CCDC73: variants seen among roughly 807,000 people sequenced by gnomAD.
CCDC73 encodes the protein coiled-coil domain containing 73.
Under a neutral mutation model 116.5 loss-of-function variants are expected in CCDC73, and 95 were observed. That is an observed-to-expected ratio of 0.82 (90% CI 0.69 to 0.97). The LOEUF (loss-of-function observed/expected upper bound fraction) is 0.97, where lower values mean the gene tolerates loss of function less well. Ranked by LOEUF, CCDC73 falls within the 50% of genes least tolerant of loss-of-function variation. The pLI is 0.00. For missense variants in CCDC73, 1,066 were observed against 1,206.8 expected (o/e 0.88, Z 1.73); for synonymous variants, 398 against 401.3 (o/e 0.99, Z 0.10).
intron 6 of CCDC73, among the ~76,000 whole-genome samples, chr11:32,685,101 C>G (rs1856183741): frequency 6.6e-6 from 1 of 151,988 alleles, no homozygotes; most frequent in Non-Finnish European, 1.5e-5. Flanking sequence ...ATAATTACTA[C>G]ACATTTCCTA....
chr11:32,798,424 C>G (rs181517318), upstream of CCDC73, among the ~76,000 whole-genome samples: 87 of 152,340 alleles, frequency 5.7e-4, 2 homozygotes, highest in East Asian at 0.014. Context: ...ATCCCCACCT[C>G]AGCCTTCTGA....
At chr11:32,618,143 C>G (rs1855491478) in intron 14 of CCDC73, among the ~76,000 whole-genome samples, 1 of 152,156 alleles carries the variant, frequency 6.6e-6, no homozygotes, top group Non-Finnish European at 1.5e-5. Flanking sequence ...GTTTTCTGTT[C>G]CTATGTTAAT....
chr11:32,710,971 A>G (rs1849895698), intron 3 of CCDC73, among the ~76,000 whole-genome samples: 1 of 152,218 alleles, frequency 6.6e-6, no homozygotes. Flanking sequence ...CAATCTATAC[A>G]TCTGACAAAG....
intron 3 of CCDC73, among the ~76,000 whole-genome samples, chr11:32,704,500 G>A (rs7942796): frequency 0.58 from 88,611 of 152,094 alleles, 26,148 homozygotes; most frequent in East Asian, 0.84. Context: ...ACAGGAGGGA[G>A]GCCAGAGGGC....
chr11:32,629,687 G>T (rs989022255), intron 14 of CCDC73, among the ~76,000 whole-genome samples: 1 of 148,460 alleles, frequency 6.7e-6, no homozygotes, highest in Non-Finnish European at 1.5e-5. Context: ...AAGCCTCCGT[G>T]CCCAGCCGAT....
At chr11:32,645,532 G>A (rs1318868247) in intron 12 of CCDC73, among the ~76,000 whole-genome samples, 7 of 151,556 alleles carry the variant, frequency 4.6e-5, no homozygotes, top group Non-Finnish European at 7.4e-5. Flanking sequence ...CTCGTGATCC[G>A]CCCGCCTTGG....
At chr11:32,738,323 G>A (rs185367371) in intron 2 of CCDC73, among the ~76,000 whole-genome samples, 166 of 152,254 alleles carry the variant, frequency 1.1e-3, no homozygotes, top group African/African-American at 3.8e-3. Context: ...TCCACCAACA[G>A]TGTATGAGGG....
At chr11:32,641,513 G>T (rs1387193998) in intron 13 of CCDC73, among the ~76,000 whole-genome samples, 2 of 151,864 alleles carry the variant, frequency 1.3e-5, no homozygotes, top group African/African-American at 4.8e-5. Flanking sequence ...TACTACAGAA[G>T]TCAACTACTG....
intron 15 of CCDC73, among the ~76,000 whole-genome samples, chr11:32,615,219 T>G (rs1210571444): frequency 6.6e-6 from 1 of 152,110 alleles, no homozygotes; most frequent in East Asian, 1.9e-4. Context: ...GAAAGTAAGT[T>G]GAGGTATTAA....
intron 3 of CCDC73, among the ~76,000 whole-genome samples, chr11:32,714,267 C>CA (rs1235329510): frequency 6.6e-6 from 1 of 152,070 alleles, no homozygotes; most frequent in African/African-American, 2.4e-5. Context: ...CCATGAAGTC[C>CA]ATACTCCCCT....
At chr11:32,825,704 C>A in the CCDC73 span, among the ~76,000 whole-genome samples, 1 of 152,144 alleles carries the variant, frequency 6.6e-6, no homozygotes. Flanking sequence ...TATAGTTTTG[C>A]AACTGATGCC....
chr11:32,765,848 AT>A (rs1850436159), intron 1 of CCDC73, among the ~76,000 whole-genome samples: 1 of 152,312 alleles, frequency 6.6e-6, no homozygotes, highest in African/African-American at 2.4e-5. Context: ...CCAGGACCAG[AT>A]GGATTCACAG....
At chr11:32,786,282 T>C (rs2133402210) in intron 1 of CCDC73, among the ~76,000 whole-genome samples, 1 of 150,042 alleles carries the variant, frequency 6.7e-6, no homozygotes, top group East Asian at 1.9e-4. Flanking sequence ...TAATGAACTT[T>C]TGTAAGTAGT....
chr11:32,697,983 T>C (rs1849770868), intron 6 of CCDC73, among the ~76,000 whole-genome samples: 1 of 149,308 alleles, frequency 6.7e-6, no homozygotes, highest in Non-Finnish European at 1.5e-5. Context: ...TAGGCCCCAG[T>C]GTCTGTTGTT....
rs568719793 is a variant in CCDC73 at position 32,702,354 on chromosome 11, T to C, written c.279+519A>G. ...AATGAGCTGAAGGTATGTACAAGGA[T>C]TCATTTGATTTTTTTTCTCATTTTT... On this transcript the variant is annotated intron_variant, in intron 4 of 17. Coordinates refer to ENST00000335185, the MANE Select transcript of CCDC73 (RefSeq NM_001008391.4). Among the ~76,000 whole-genome samples the C allele has an allele frequency of 2.6e-5, 4 of 152,310 alleles. No homozygotes were observed. In the South Asian group the frequency reaches 8.3e-4, roughly 32 times the overall value.
chr11:32,729,750 G>A (rs747371535), intron 2 of CCDC73, among the ~76,000 whole-genome samples: 5 of 152,014 alleles, frequency 3.3e-5, no homozygotes, highest in Non-Finnish European at 7.4e-5. Flanking sequence ...CAACTCTAAC[G>A]CAGCAGCAAA....
At chr11:32,693,879 A>C (rs1295057918) in intron 6 of CCDC73, among the ~76,000 whole-genome samples, 1 of 152,248 alleles carries the variant, frequency 6.6e-6, no homozygotes, top group Admixed American at 6.5e-5. Flanking sequence ...TCATGCTAAA[A>C]ACTCTCAATA....
chr11:32,795,681 T>C (rs969475236), upstream of CCDC73, among the ~76,000 whole-genome samples: 9 of 150,344 alleles, frequency 6.0e-5, no homozygotes, highest in Non-Finnish European at 1.2e-4. Flanking sequence ...AAGTGGTTCC[T>C]GCCCTCAAAT....
chr11:32,770,195 A>G (rs911291709), intron 1 of CCDC73, among the ~76,000 whole-genome samples: 2 of 152,108 alleles, frequency 1.3e-5, no homozygotes, highest in African/African-American at 4.8e-5. Flanking sequence ...CTTTCTTCAC[A>G]TGGTTTTCAC....
Sources: allele counts gnomAD v4.1 joint callset (sites outside exome capture counted in the v4.1 genomes callset), GRCh38; gene constraint gnomAD v4.1.1; transcripts MANE v1.5; gene names NCBI Gene and HGNC (gene_info 2026-07-23, HGNC 2026-07-21).